DPP4: variants seen among roughly 807,000 people sequenced by gnomAD.
The protein encoded by DPP4 is ADCP-2.
In DPP4, 93 loss-of-function variants were observed where a neutral mutation model predicts 122.4. The ratio of observed to expected loss-of-function variants is 0.76; its 90% confidence interval spans 0.64 to 0.90. The LOEUF is 0.90. Ranked by LOEUF, DPP4 falls within the 40% of genes least tolerant of loss-of-function variation. The pLI, the probability that DPP4 is intolerant of heterozygous loss-of-function variation, is 0.00. For synonymous variants in DPP4, 321 were observed against 302.9 expected (o/e 1.06, Z -0.62); for missense variants, 914 against 907.3 (o/e 1.01, Z -0.09).
intron 2 of DPP4, among the ~76,000 whole-genome samples, chr2:162,064,097 G>C (rs75134370): frequency 1.1e-3 from 169 of 152,272 alleles, no homozygotes; most frequent in Non-Finnish European, 1.9e-3. Flanking sequence ...TCTTCTAATG[G>C]TTTCAGTTTT....
chr2:162,002,819 G>C (rs1390906701), intron 23 of DPP4, among the ~76,000 whole-genome samples: 1 of 152,104 alleles, frequency 6.6e-6, no homozygotes, highest in Admixed American at 6.5e-5. Context: ...AAAAGCACAG[G>C]CTCATTTAAA....
intron 8 of DPP4, among the ~76,000 whole-genome samples, chr2:162,037,305 G>A (rs1683814724): frequency 6.6e-6 from 1 of 152,226 alleles, no homozygotes; most frequent in Non-Finnish European, 1.5e-5. Flanking sequence ...GGCCACTCTT[G>A]TCAAGGATCC....
intron 10 of DPP4, among the ~76,000 whole-genome samples, chr2:162,025,331 T>C (rs1177566514): frequency 6.6e-6 from 1 of 152,088 alleles, no homozygotes; most frequent in Admixed American, 6.5e-5. Context: ...CTGGCTAAGA[T>C]TTGACTGTTT....
chr2:162,053,911 C>A (rs2106144043), intron 2 of DPP4, among the ~76,000 whole-genome samples: 1 of 152,322 alleles, frequency 6.6e-6, no homozygotes, highest in South Asian at 2.1e-4. Context: ...GCAAGGCTAC[C>A]CTTGAGGCCC....
intron 10 of DPP4, among the ~76,000 whole-genome samples, chr2:162,025,375 T>C (rs1320782968): frequency 6.6e-6 from 1 of 152,184 alleles, no homozygotes; most frequent in African/African-American, 2.4e-5. Flanking sequence ...GAAAATTCTT[T>C]CTATTAGGGT....
intron 23 of DPP4, among the ~76,000 whole-genome samples, chr2:162,000,889 C>A (rs1024630234): frequency 6.6e-5 from 10 of 152,174 alleles, no homozygotes; most frequent in African/African-American, 2.4e-4. Context: ...AGGCTTATGT[C>A]CTGTCTTCTT....
intron 23 of DPP4, among the ~76,000 whole-genome samples, chr2:162,000,929 C>G (rs1184055023): frequency 6.6e-6 from 1 of 152,152 alleles, no homozygotes; most frequent in African/African-American, 2.4e-5. Context: ...CTACTCAGAG[C>G]CCTTCTTCTG....
At chr2:161,997,768 C>G (rs569182688) in intron 23 of DPP4, among the ~76,000 whole-genome samples, 1 of 152,162 alleles carries the variant, frequency 6.6e-6, no homozygotes, top group Non-Finnish European at 1.5e-5. Flanking sequence ...GCAATATTTG[C>G]GTAAAATAGG....
intron 23 of DPP4, among the ~76,000 whole-genome samples, chr2:161,997,330 C>A (rs970478946): frequency 6.6e-6 from 1 of 152,188 alleles, no homozygotes; most frequent in South Asian, 2.1e-4. Context: ...TCCATCCCAA[C>A]ATCACCATTT....
intron 5 of DPP4, among the ~76,000 whole-genome samples, chr2:162,041,835 A>G (rs979228590): frequency 6.6e-6 from 1 of 152,192 alleles, no homozygotes; most frequent in African/African-American, 2.4e-5. Context: ...ATCAGACATT[A>G]CTGGATAACA....
At chr2:162,033,893 T>TATATATATACAC (rs1491588211) in intron 9 of DPP4, among the ~76,000 whole-genome samples, 3 of 138,604 alleles carry the variant, frequency 2.2e-5, no homozygotes, top group African/African-American at 8.3e-5. Flanking sequence ...TATATATATA[T>TATATATATACAC]ACACACTATA....
intron 23 of DPP4, among the ~76,000 whole-genome samples, chr2:161,999,475 G>A (rs1238606887): frequency 6.6e-6 from 1 of 152,192 alleles, no homozygotes; most frequent in Non-Finnish European, 1.5e-5. Context: ...CAATGGTGGT[G>A]CAGTTGGCAC....
chr2:162,025,480 T>C (rs972683494), intron 10 of DPP4, among the ~76,000 whole-genome samples: 1 of 152,110 alleles, frequency 6.6e-6, no homozygotes, highest in African/African-American at 2.4e-5. Flanking sequence ...AAATATATTC[T>C]AAAAAGACAT....
chr2:161,993,348 T>C lies in DPP4; in HGVS notation c.2236A>G (p.Thr746Ala). ...TGGGTATATATATGTTGGTGTGCTG[T>C]GCTGCTAGCTATTCCATGGTCTTCA... The part of the protein sequence containing the change: ...TDEDHGIASS[T>A]AHQHIYTHMS... Residue 746 changes from threonine to alanine, a missense_variant, in exon 26 of 26, where the codon ACA becomes GCA. Transcript: ENST00000360534. 2.5e-6 allele frequency: 4 copies of C among 1,613,784 alleles called. No homozygotes were observed. Among genetic ancestry groups the C allele is most frequent in the Non-Finnish European group, 3.4e-6 (4 of 1,179,774 alleles).
rs762031374 is a variant in DPP4, at chr2:162,020,587, A to T, written c.1170T>A (p.Asp390Glu). ...GYRHICYFQI[D>E]KKDCTFITKG... ...AATATGTAAGAATACTCACTTTTTT[A>T]TCTATTTGGAAATAGCAAATGTGTC... Residue 390 changes from aspartate (D) to glutamate (E), a missense_variant, in exon 13 of 26, where the codon GAT becomes GAA. Coordinates refer to ENST00000360534, the MANE Select transcript of DPP4 (RefSeq NM_001935.4). 22 of 1,595,622 alleles carry T rather than the reference A, an allele frequency of 1.4e-5. No homozygotes were observed. Among genetic ancestry groups the T allele is most frequent in the Non-Finnish European group, 1.6e-5 (19 of 1,174,006 alleles).
At chr2:162,064,625 G>A (rs3788976) in intron 2 of DPP4, among the ~76,000 whole-genome samples, 51,858 of 152,062 alleles carry the variant, frequency 0.34, 10,153 homozygotes, top group African/African-American at 0.54. Context: ...TGGATGAAAT[G>A]TGACAGTTTA....
intron 23 of DPP4, among the ~76,000 whole-genome samples, chr2:162,003,801 C>T (rs1282650927): frequency 6.6e-6 from 1 of 152,140 alleles, no homozygotes; most frequent in Non-Finnish European, 1.5e-5. Context: ...AAAGGTTATA[C>T]TTCCTAAAGG....
rs11343430 is a variant in DPP4 at position 162,005,828 on chromosome 2, TA to T, written c.1988-20del. On this transcript the variant is annotated intron_variant, in intron 22 of 25. Coordinates refer to ENST00000360534, the MANE Select transcript of DPP4 (RefSeq NM_001935.4). ...ACTGAGTCTGTGAAAGAAAAAAAAA[TA>T]AAAAAAAGTTTAATTCATACAATAA... The T allele has an allele frequency of 4.0e-3, 6,320 of 1,599,058 alleles. 224 individuals are homozygous for T. The African/African-American group carries it at 0.076, about 19-fold the overall frequency.
Position 162,040,987 on chromosome 2 carries a change from A to C in DPP4, c.367-1803T>G, listed in dbSNP as rs114076439. 8.4e-3 allele frequency among the ~76,000 whole-genome samples: 1,279 copies of C among 152,230 alleles called. 21 individuals are homozygous for C. Among genetic ancestry groups the C allele is most frequent in the African/African-American group, 0.03 (1,229 of 41,568 alleles). On this transcript the variant is annotated intron_variant, in intron 5 of 25. Transcript: ENST00000360534. ...AAAGGAGTTTCACATGGTATCATTGAGTGAGAAATGCAATTTACAAAAAAC... is the reference window on the plus strand; with the variant it reads ...AAAGGAGTTTCACATGGTATCATTGCGTGAGAAATGCAATTTACAAAAAAC...
Sources: gnomAD v4.1 joint callset for allele counts (sites outside exome capture counted in the v4.1 genomes callset) on GRCh38, gnomAD v4.1.1 for gene constraint, MANE v1.5 for transcripts, NCBI Gene and HGNC (gene_info 2026-07-23, HGNC 2026-07-21) for gene names.